UBE2E2: variants seen among roughly 807,000 people sequenced by gnomAD.
UBE2E2 encodes the protein ubiquitin-conjugating enzyme E2 E2.
In UBE2E2, 6 loss-of-function variants were observed where a neutral mutation model predicts 24.7. That is an observed-to-expected ratio of 0.24 (90% CI 0.13 to 0.48). UBE2E2 has a LOEUF of 0.48. UBE2E2 is among the 20% of genes least tolerant of loss of function. UBE2E2 has a pLI of 0.99. For synonymous variants in UBE2E2, 104 were observed against 83.6 expected, an observed-to-expected ratio of 1.24 and a Z score of -1.33; for missense variants, 169 against 245.0, an observed-to-expected ratio of 0.69 and a Z score of 2.07.
At chr3:23,506,094 T>C (rs1193165601) in intron 4 of UBE2E2, among the ~76,000 whole-genome samples, 3 of 152,196 alleles carry the variant, frequency 2.0e-5, no homozygotes, top group African/African-American at 7.2e-5. Context: ...GAATTTTCAG[T>C]AAGAGCAGTG....
chr3:23,572,434 A>G (rs1023824946), intron 5 of UBE2E2, among the ~76,000 whole-genome samples: 7 of 152,200 alleles, frequency 4.6e-5, no homozygotes, highest in Non-Finnish European at 7.3e-5. Flanking sequence ...TTACAAAGGT[A>G]TATTGCGTGT....
intron 3 of UBE2E2, among the ~76,000 whole-genome samples, chr3:23,252,530 T>C (rs1464551352): frequency 6.6e-6 from 1 of 152,172 alleles, no homozygotes; most frequent in African/African-American, 2.4e-5. Context: ...GGAGTCTAGC[T>C]CTGGCGCCTA....
intron 3 of UBE2E2, among the ~76,000 whole-genome samples, chr3:23,296,920 C>G (rs1282520918): frequency 6.6e-6 from 1 of 152,218 alleles, no homozygotes; most frequent in South Asian, 2.1e-4. Flanking sequence ...TTTACAGTCC[C>G]ACCAACAGTG....
At chr3:23,377,705 A>G (rs1214330150) in intron 3 of UBE2E2, among the ~76,000 whole-genome samples, 1 of 152,244 alleles carries the variant, frequency 6.6e-6, no homozygotes, top group Non-Finnish European at 1.5e-5. Context: ...GACTTTCAGC[A>G]AGTTACTTTA....
At chr3:23,515,025 G>T (rs1287529460) in intron 4 of UBE2E2, among the ~76,000 whole-genome samples, 1 of 151,834 alleles carries the variant, frequency 6.6e-6, no homozygotes, top group East Asian at 1.9e-4. Context: ...TCTGAACCTG[G>T]CATGATCAAT....
chr3:23,277,289 T>A (rs2125368527), intron 3 of UBE2E2, among the ~76,000 whole-genome samples: 1 of 152,282 alleles, frequency 6.6e-6, no homozygotes, highest in East Asian at 1.9e-4. Context: ...GTGGCTTTCT[T>A]AAATCCATGC....
At chr3:23,566,043 C>T (rs1282042853) in intron 5 of UBE2E2, among the ~76,000 whole-genome samples, 1 of 152,168 alleles carries the variant, frequency 6.6e-6, no homozygotes, top group Admixed American at 6.6e-5. Context: ...AAGCCAACAC[C>T]TCACACTTAC....
At chr3:23,442,564 A>G (rs557162262) in intron 3 of UBE2E2, among the ~76,000 whole-genome samples, 1 of 152,318 alleles carries the variant, frequency 6.6e-6, no homozygotes, top group African/African-American at 2.4e-5. Flanking sequence ...CTAAATTAAA[A>G]TGCCTTACAT....
chr3:23,444,296 T>A (rs1052118703), intron 3 of UBE2E2, among the ~76,000 whole-genome samples: 3 of 152,184 alleles, frequency 2.0e-5, no homozygotes, highest in African/African-American at 7.2e-5. Context: ...CAGTCTTTGC[T>A]TCTTGTGGTG....
rs1559432083 is a variant in UBE2E2, at chr3:23,589,803, G to C, written c.578G>C (p.Arg193Thr). 6.2e-7 allele frequency: 1 copy of C among 1,614,226 alleles called. No individual in the cohort carries two copies. Among genetic ancestry groups the C allele is most frequent in the Non-Finnish European group, 8.5e-7 (1 of 1,180,028 alleles). Residue 193 changes from arginine (R) to threonine (T), a missense_variant, in exon 6 of 6, where the codon AGA becomes ACA. Arg to Thr is a moderately conservative substitution (Grantham distance 71). Around this residue, in one of 2 missense-constraint regions of UBE2E2, gnomAD observed 105 missense variants for 180.7 expected, o/e 0.58. Coordinates refer to ENST00000396703, the MANE Select transcript of UBE2E2 (RefSeq NM_152653.4). This position sits in a 1 kb window ranked among gnomAD's most constrained non-coding sequence, Gnocchi z 4.1. ...TNRAEHDRMA[R>T]QWTKRYAT Reference sequence around the variant, plus strand: ...AGAGCAGAGCATGACCGGATGGCCAGACAGTGGACCAAGCGGTACGCCACA... The same window carrying C: ...AGAGCAGAGCATGACCGGATGGCCACACAGTGGACCAAGCGGTACGCCACA...
chr3:23,218,534 T>C (rs1696542641), intron 3 of UBE2E2, among the ~76,000 whole-genome samples: 1 of 152,038 alleles, frequency 6.6e-6, no homozygotes, highest in South Asian at 2.1e-4. Flanking sequence ...AGGATAATAT[T>C]TGTTTTAATG....
chr3:23,457,925 C>G lies in UBE2E2; in HGVS notation c.228-41683C>G, dbSNP rs191119238. ...GAAGGAGTGATGTGGCTGGTTTGAT[C>G]TATTCAGACCACTAAAACTTTCTTC... On this transcript the variant is annotated intron_variant, in intron 3 of 5. Coordinates refer to ENST00000396703, the MANE Select transcript of UBE2E2 (RefSeq NM_152653.4). Among the ~76,000 whole-genome samples the G allele has an allele frequency of 5.3e-5, 8 of 149,692 alleles. No homozygotes were observed. In the East Asian group the frequency reaches 1.2e-3, roughly 22 times the overall value.
chr3:23,265,968 C>A (rs1343850748), intron 3 of UBE2E2, among the ~76,000 whole-genome samples: 1 of 152,116 alleles, frequency 6.6e-6, no homozygotes, highest in Non-Finnish European at 1.5e-5. Flanking sequence ...AGGATTGCAA[C>A]CCCTGCGTTT....
intron 3 of UBE2E2, among the ~76,000 whole-genome samples, chr3:23,323,106 ATTAT>A (rs1694788897): frequency 6.6e-6 from 1 of 152,066 alleles, no homozygotes; most frequent in Non-Finnish European, 1.5e-5. Flanking sequence ...TAAACAAATA[ATTAT>A]TTGCTTTGTT....
chr3:23,507,524 A>G (rs1189454176), intron 4 of UBE2E2, among the ~76,000 whole-genome samples: 4 of 152,214 alleles, frequency 2.6e-5, no homozygotes, highest in African/African-American at 9.6e-5. Flanking sequence ...CTGTGCCCTA[A>G]GCAAAATGTT....
intron 3 of UBE2E2, among the ~76,000 whole-genome samples, chr3:23,325,184 T>C (rs1559347991): frequency 6.6e-6 from 1 of 152,148 alleles, no homozygotes; most frequent in Non-Finnish European, 1.5e-5. Flanking sequence ...TTTTACTCTT[T>C]TAAGAATTGA....
intron 3 of UBE2E2, among the ~76,000 whole-genome samples, chr3:23,257,359 G>A (rs976083926): frequency 6.6e-6 from 1 of 152,140 alleles, no homozygotes; most frequent in Non-Finnish European, 1.5e-5. Flanking sequence ...ACCAGGAAAT[G>A]AACTTTCCTT....
intron 5 of UBE2E2, among the ~76,000 whole-genome samples, chr3:23,565,198 A>G (rs1013129196): frequency 1.3e-5 from 2 of 152,122 alleles, no homozygotes; most frequent in African/African-American, 4.8e-5. Context: ...GAGATGACAC[A>G]TTAGGTGACA....
At position 23,240,694 on chromosome 3, in the gene UBE2E2, C is replaced by T. The variant is rs190632236; in HGVS notation, c.227+23382C>T. 2.6e-5 allele frequency among the ~76,000 whole-genome samples: 4 copies of T among 152,220 alleles called. No individual in the cohort carries two copies. The South Asian group carries it at 8.3e-4, about 32-fold the overall frequency. On this transcript the variant is annotated intron_variant, in intron 3 of 5. Coordinates refer to ENST00000396703, the MANE Select transcript of UBE2E2 (RefSeq NM_152653.4). ...ACATTGAATATAGGGATGAATTAAG[C>T]CCTTTGTATTGTTGAGCTGTGATTA...
Sources: allele counts gnomAD v4.1 joint callset (sites outside exome capture counted in the v4.1 genomes callset), GRCh38; gene constraint gnomAD v4.1.1; regional missense constraint gnomAD v4.1.1; non-coding constraint Gnocchi (gnomAD v3.1); transcripts MANE v1.5; gene names NCBI Gene and HGNC (gene_info 2026-07-23, HGNC 2026-07-21).